Variants in UBAP1L observed in about 807,000 individuals in gnomAD.
UBAP1L encodes ubiquitin-associated protein 1-like.
UBAP1L carries 32 observed loss-of-function variants against 32.1 expected under a neutral mutation model. That is an observed-to-expected ratio of 1.00 (90% CI 0.75 to 1.34). The LOEUF (loss-of-function observed/expected upper bound fraction) is 1.34. UBAP1L is among the 40% of genes most tolerant of loss of function. UBAP1L has a pLI of 0.00. For missense variants in UBAP1L, 516 were observed against 540.5 expected (o/e 0.95, Z 0.45); for synonymous variants, 243 against 250.2 (o/e 0.97, Z 0.27).
intron 1 of UBAP1L, among the ~76,000 whole-genome samples, chr15:65,108,911 C>G (rs894857645): frequency 2.6e-5 from 4 of 151,986 alleles, no homozygotes; most frequent in Non-Finnish European, 5.9e-5. Flanking sequence ...AATCCCAGCA[C>G]TTTGGGAGGC....
intron 3 of UBAP1L, among the ~76,000 whole-genome samples, 156 bp downstream of exon 3, chr15:65,101,947 CAGG>C (rs1359046397): frequency 6.6e-6 from 1 of 152,168 alleles, no homozygotes; most frequent in East Asian, 1.9e-4. Context: ...CAAAGGGCCG[CAGG>C]AGGACAACAC....
chr15:65,106,502 A>C, intron 1 of UBAP1L, 114 bp from the exon 2 acceptor site: 1 of 291,528 alleles, frequency 3.4e-6, no homozygotes, highest in Non-Finnish European at 6.3e-6. Context: ...GGTCCACAAA[A>C]CTAGTTCTCA....
At chr15:65,110,204 C>CA (rs1371534899) in intron 1 of UBAP1L, among the ~76,000 whole-genome samples, 1 of 151,640 alleles carries the variant, frequency 6.6e-6, no homozygotes, top group African/African-American at 2.4e-5. Context: ...ACTAAAAACA[C>CA]AAAAATTAGC....
intron 1 of UBAP1L, among the ~76,000 whole-genome samples, chr15:65,110,364 A>T (rs2087360399): frequency 6.8e-6 from 1 of 146,476 alleles, no homozygotes; most frequent in Non-Finnish European, 1.5e-5. Context: ...TCTCCAAAAA[A>T]CAAAACAAAA....
chr15:65,114,962 G>C (rs570929957), intron 1 of UBAP1L, among the ~76,000 whole-genome samples, 188 bp downstream of exon 1: 2 of 152,292 alleles, frequency 1.3e-5, no homozygotes, highest in Non-Finnish European at 2.9e-5. Flanking sequence ...TCATCATATG[G>C]AAATAGCTTA....
chr15:65,102,985 T>C lies in UBAP1L; in HGVS notation c.121-301A>G, dbSNP rs528435689. Among the ~76,000 whole-genome samples the C allele has an allele frequency of 6.6e-6, 1 of 152,388 alleles. No individual in the cohort carries two copies. The highest frequency in any genetic ancestry group is 1.5e-5 in the Non-Finnish European group (1 of 68,042). Reference sequence around the variant, plus strand: ...AATCCCTTTGCCATTCAGTATGTAGTTGAGCAAAAACTACTTAAAAATTTT... The same window carrying C: ...AATCCCTTTGCCATTCAGTATGTAGCTGAGCAAAAACTACTTAAAAATTTT... On this transcript the variant is annotated intron_variant, in intron 2 of 5. Transcript: ENST00000559089. This position sits in a 1 kb window ranked among gnomAD's most constrained non-coding sequence, Gnocchi z 5.0.
chr15:65,102,449 C>G lies in UBAP1L; in HGVS notation c.356G>C (p.Ser119Thr). The G allele has an allele frequency of 7.0e-7, 1 of 1,424,132 alleles. No homozygotes were observed. Among genetic ancestry groups the G allele is most frequent in the Non-Finnish European group, 9.2e-7 (1 of 1,089,656 alleles). The allele number at this position is 1,424,132 out of a possible 1,614,324, so 88.2% of individuals were successfully genotyped here. ...GCTGCTGGGGGCCGGCTCTTCCTCGCTGCCAGAGGAGGCTTCTGCCTCGTC... is the reference window on the plus strand; with the variant it reads ...GCTGCTGGGGGCCGGCTCTTCCTCGGTGCCAGAGGAGGCTTCTGCCTCGTC... ...GEDEAEASSG[S>T]EEEPAPSSLQ... Residue 119 changes from serine to threonine, a missense_variant, in exon 3 of 6, where the codon AGC (serine) becomes ACC (threonine). Physicochemically the swap from Ser to Thr is moderately conservative, Grantham distance 58. Coordinates refer to ENST00000559089, the MANE Select transcript of UBAP1L (RefSeq NM_001163692.2). This position sits in a 1 kb window ranked among gnomAD's most constrained non-coding sequence, Gnocchi z 5.0.
intron 2 of UBAP1L, chr15:65,104,735 C>T (rs552820567): frequency 1.3e-4 from 22 of 166,978 alleles, no homozygotes; most frequent in East Asian, 7.6e-4. Context: ...TGGCCAGGTG[C>T]GGTGGCTCAC....
intron 1 of UBAP1L, among the ~76,000 whole-genome samples, chr15:65,110,186 C>T (rs1276070411): frequency 6.6e-6 from 1 of 151,764 alleles, no homozygotes; most frequent in Non-Finnish European, 1.5e-5. Context: ...TGGTGAAACC[C>T]CGTCCCTACT....
Position 65,093,192 on chromosome 15 carries a change from T to C in UBAP1L, c.1051A>G (p.Met351Val), listed in dbSNP as rs772075791. ...FLRLWEQFSD[M>V]GFQQDRIKEV... The stretch of plus-strand genomic sequence containing the variant: ...TTGATCCGGTCCTGCTGGAAGCCCA[T>C]GTCACTGAACTGCTCCCAGAGGCGC... Residue 351 changes from methionine to valine, a missense_variant, in exon 6 of 6, where the codon ATG (methionine) becomes GTG (valine). By Grantham distance (21) the Met-to-Val change is conservative. Coordinates refer to ENST00000559089, the MANE Select transcript of UBAP1L (RefSeq NM_001163692.2). 3.9e-6 allele frequency: 6 copies of C among 1,549,828 alleles called. No homozygotes were observed. The East Asian group carries it at 7.3e-5, about 19-fold the overall frequency.
chr15:65,105,567 A>C, intron 2 of UBAP1L: 1 of 572,646 alleles, frequency 1.7e-6, no homozygotes, highest in East Asian at 3.7e-5. Flanking sequence ...GGAGAACCCC[A>C]TAAAATCATG....
chr15:65,093,819 G>A (rs1385572537), intron 5 of UBAP1L, among the ~76,000 whole-genome samples: 11 of 152,186 alleles, frequency 7.2e-5, no homozygotes, highest in South Asian at 2.1e-4. Context: ...CGAGGCGGGC[G>A]GATCACTTGA....
At chr15:65,108,424 A>C (rs1036669661) in intron 1 of UBAP1L, among the ~76,000 whole-genome samples, 4 of 152,194 alleles carry the variant, frequency 2.6e-5, no homozygotes, top group African/African-American at 4.8e-5. Context: ...ATGGCCTTGT[A>C]ATAGTCAAAA....
At position 65,102,038 on chromosome 15, in the gene UBAP1L, C is replaced by A; in HGVS notation, c.699+68G>T. The A allele has an allele frequency of 1.4e-6, 1 of 709,344 alleles. No homozygotes were observed. Among genetic ancestry groups the A allele is most frequent in the Non-Finnish European group, 1.9e-6 (1 of 520,542 alleles). The allele number at this position is 709,344 out of a possible 1,614,324, so 43.9% of individuals were successfully genotyped here. ...TAGGGGACCGAGGCTGCGGGCTGGG[C>A]TGGACACCCAGATTATGGGGCCTGG... On this transcript the variant is annotated intron_variant, in intron 3 of 5. Transcript: ENST00000559089. The surrounding 1 kb of genome is among the most constrained non-coding windows in gnomAD (Gnocchi z 5.0).
chr15:65,113,338 A>T (rs1470720379), intron 1 of UBAP1L, among the ~76,000 whole-genome samples: 1 of 151,868 alleles, frequency 6.6e-6, no homozygotes, highest in African/African-American at 2.4e-5. Context: ...CTCCCATCTT[A>T]CTCCAGTCAT....
chr15:65,113,583 A>C (rs1426934843), intron 1 of UBAP1L, among the ~76,000 whole-genome samples: 1 of 152,080 alleles, frequency 6.6e-6, no homozygotes. Flanking sequence ...CCCCCTCTTT[A>C]CTAAAAATAC....
At chr15:65,103,606 G>T (rs192730593) in intron 2 of UBAP1L, among the ~76,000 whole-genome samples, 7 of 152,286 alleles carry the variant, frequency 4.6e-5, no homozygotes, top group Admixed American at 3.9e-4. Flanking sequence ...TAGATCACAG[G>T]CACAGCTCCC....
chr15:65,110,684 C>CA (rs71136313), intron 1 of UBAP1L, among the ~76,000 whole-genome samples: 1,052 of 62,550 alleles, frequency 0.017, 9 homozygotes, highest in African/African-American at 0.039. Context: ...GACTCTGTCT[C>CA]AAAAAAAAAA....
Position 65,111,560 on chromosome 15 carries a change from C to T in UBAP1L, c.-174+3590G>A, listed in dbSNP as rs892025254. Among the ~76,000 whole-genome samples, 12 of 152,308 alleles carry T rather than the reference C, an allele frequency of 7.9e-5. No individual in the cohort carries two copies. The East Asian group carries it at 1.3e-3, about 17-fold the overall frequency. On this transcript the variant is annotated intron_variant, in intron 1 of 5. Coordinates refer to ENST00000559089, the MANE Select transcript of UBAP1L (RefSeq NM_001163692.2). Reference sequence around the variant, plus strand: ...GCAGTAGTGCAATCTTCTAGGCTCACGGCAACGTCTGCCTCCCAGGTTCAA... The same window carrying T: ...GCAGTAGTGCAATCTTCTAGGCTCATGGCAACGTCTGCCTCCCAGGTTCAA...
Sources: gnomAD v4.1 joint callset for allele counts (sites outside exome capture counted in the v4.1 genomes callset) on GRCh38, gnomAD v4.1.1 for gene constraint, Gnocchi (gnomAD v3.1) non-coding constraint, MANE v1.5 for transcripts, NCBI Gene and HGNC (gene_info 2026-07-23, HGNC 2026-07-21) for gene names.